IL36B: variants seen among roughly 807,000 people sequenced by gnomAD.
The protein encoded by IL36B is interleukin 36 beta, also known as interleukin-36 beta.
A neutral mutation model predicts 19.3 loss-of-function variants in IL36B; 23 were observed. That is an observed-to-expected ratio of 1.19 (90% confidence interval 0.86 to 1.69). The LOEUF is 1.69. IL36B is among the 40% of genes most tolerant of loss of function. IL36B has a pLI of 0.00. For synonymous variants in IL36B, 59 were observed against 59.7 expected, an observed-to-expected ratio of 0.99 and a Z score of 0.05; for missense variants, 217 against 200.5, an observed-to-expected ratio of 1.08 and a Z score of -0.50.
intron 1 of IL36B, among the ~76,000 whole-genome samples, chr2:113,044,256 CTATATGTGTG>C (rs1270018060): frequency 4.6e-4 from 62 of 136,218 alleles, no homozygotes; most frequent in African/African-American, 1.7e-3. Context: ...ATATCTATAT[CTATATGTGTG>C]TGTGTGTGTG....
intron 1 of IL36B, among the ~76,000 whole-genome samples, chr2:113,040,352 A>G (rs1553462327): frequency 6.6e-6 from 1 of 152,242 alleles, no homozygotes; most frequent in Non-Finnish European, 1.5e-5. Flanking sequence ...TAACAGGTCA[A>G]GAATGTTTGC....
At chr2:113,023,928 A>G (rs942381940) in intron 5 of IL36B, among the ~76,000 whole-genome samples, 9 of 152,214 alleles carry the variant, frequency 5.9e-5, no homozygotes, top group Non-Finnish European at 1.3e-4. Context: ...GTGAGAGACA[A>G]AGATTCTCAG....
intron 1 of IL36B, among the ~76,000 whole-genome samples, chr2:113,033,200 C>T (rs1017728705): frequency 1.3e-5 from 2 of 152,160 alleles, no homozygotes; most frequent in African/African-American, 4.8e-5. Context: ...AAGAGCTTTA[C>T]CTGAGTAACC....
intron 5 of IL36B, among the ~76,000 whole-genome samples, chr2:113,024,740 G>A (rs1043007067): frequency 1.3e-5 from 2 of 152,188 alleles, no homozygotes; most frequent in Non-Finnish European, 1.5e-5. Context: ...CCTTGGAATA[G>A]CTGGGAAGCT....
At chr2:113,037,144 C>T (rs989991492) in intron 1 of IL36B, among the ~76,000 whole-genome samples, 9 of 152,256 alleles carry the variant, frequency 5.9e-5, no homozygotes, top group African/African-American at 2.2e-4. Flanking sequence ...TGTGGATCAG[C>T]GACCACAGTT....
chr2:113,047,040 A>G (rs1403464191), intron 1 of IL36B, among the ~76,000 whole-genome samples: 3 of 152,162 alleles, frequency 2.0e-5, no homozygotes, highest in Non-Finnish European at 4.4e-5. Flanking sequence ...GTGCTCACTG[A>G]TATTTGTTTT....
chr2:113,052,232 G>C (rs974339129), intron 1 of IL36B, among the ~76,000 whole-genome samples: 1 of 152,218 alleles, frequency 6.6e-6, no homozygotes. Flanking sequence ...TTACAGGTGC[G>C]AGCCACTGCA....
intron 5 of IL36B, among the ~76,000 whole-genome samples, chr2:113,023,641 A>G (rs1340328713): frequency 6.6e-6 from 1 of 152,194 alleles, no homozygotes; most frequent in East Asian, 1.9e-4. Context: ...TAAGGAGACA[A>G]CCATTAAGGG....
intron 1 of IL36B, among the ~76,000 whole-genome samples, chr2:113,047,279 T>A (rs892427477): frequency 6.6e-6 from 1 of 152,158 alleles, no homozygotes; most frequent in South Asian, 2.1e-4. Flanking sequence ...GGGTGTTGGG[T>A]ACTTTTGTAT....
chr2:113,028,993 T>C lies in IL36B; in HGVS notation c.207A>G (p.Lys69=). The change falls in exon 4 of 6, where the codon AAA becomes AAG. Residue 69 remains lysine (K), a synonymous_variant. Coordinates refer to ENST00000259213, the MANE Select transcript of IL36B (RefSeq NM_014438.5). ...TTTCTGCACAGAAGAGACAGAGATCTTTTCCCTTGATTCCCAGGTAAACCA... is the reference window on the plus strand; with the variant it reads ...TTTCTGCACAGAAGAGACAGAGATCCTTTCCCTTGATTCCCAGGTAAACCA... 6.2e-7 allele frequency: 1 copy of C among 1,614,120 alleles called. No individual in the cohort carries two copies. Among genetic ancestry groups the C allele is most frequent in the Non-Finnish European group, 8.5e-7 (1 of 1,179,946 alleles).
At chr2:113,037,722 AGAG>A (rs2105050106) in intron 1 of IL36B, among the ~76,000 whole-genome samples, 2 of 151,946 alleles carry the variant, frequency 1.3e-5, no homozygotes, top group Admixed American at 1.3e-4. Flanking sequence ...TATGAATGAT[AGAG>A]GAGTTTTCTA....
intron 5 of IL36B, among the ~76,000 whole-genome samples, chr2:113,023,905 C>T (rs35779619): frequency 8.7e-4 from 132 of 152,248 alleles, no homozygotes; most frequent in African/African-American, 3.0e-3. Flanking sequence ...TTAAAATAAA[C>T]TTATTGACCT....
chr2:113,043,181 C>G (rs1363974304), intron 1 of IL36B, among the ~76,000 whole-genome samples: 1 of 152,094 alleles, frequency 6.6e-6, no homozygotes, highest in African/African-American at 2.4e-5. Flanking sequence ...ACTGTGGATA[C>G]AAGTCCTTTC....
Position 113,022,496 on chromosome 2 carries a change from C to T in IL36B, c.*178G>A. The T allele has an allele frequency of 1.8e-6, 1 of 546,258 alleles. No homozygotes were observed. The highest frequency in any genetic ancestry group is 3.3e-6 in the Non-Finnish European group (1 of 306,090). 33.8% of individuals were successfully genotyped at this position (546,258 alleles called of 1,614,324 possible). A position where few individuals can be genotyped will look rare whatever the true frequency, so the allele number is the denominator to read the frequency against. On this transcript the variant is annotated 3_prime_UTR_variant, in exon 6 of 6. Transcript: ENST00000259213. ...CTACTCCTAAAAAGACTCCGACCTT[C>T]TCTAGCTTTACAGGTAAGATTTACC...
intron 1 of IL36B, among the ~76,000 whole-genome samples, chr2:113,048,318 T>C (rs979276419): frequency 8.5e-5 from 13 of 152,290 alleles, no homozygotes; most frequent in African/African-American, 3.1e-4. Flanking sequence ...GGCATGCACC[T>C]GTAATCCCAG....
intron 4 of IL36B, chr2:113,027,492 T>A: frequency 2.0e-6 from 2 of 1,025,492 alleles, no homozygotes; most frequent in Non-Finnish European, 2.3e-6. Flanking sequence ...TTCAGCTTTA[T>A]CTTTGGGGCA....
intron 1 of IL36B, among the ~76,000 whole-genome samples, chr2:113,039,660 CA>C (rs1685220947): frequency 1.3e-5 from 2 of 151,982 alleles, no homozygotes; most frequent in South Asian, 4.1e-4. Context: ...AAAGAGGTAT[CA>C]GGAAAAAAAG....
chr2:113,038,939 G>A (rs1272546257), intron 1 of IL36B, among the ~76,000 whole-genome samples: 3 of 152,162 alleles, frequency 2.0e-5, no homozygotes, highest in Admixed American at 6.5e-5. Context: ...GTGACTCAGT[G>A]GGAGACTGTC....
chr2:113,031,802 G>T, intron 1 of IL36B, 36 bp from the exon 2 acceptor site: 4 of 867,894 alleles, frequency 4.6e-6, no homozygotes, highest in African/African-American at 1.7e-5. Context: ...AAGGAGAGAA[G>T]AAACATGTTA....
Sources: allele counts gnomAD v4.1 joint callset (sites outside exome capture counted in the v4.1 genomes callset), GRCh38; gene constraint gnomAD v4.1.1; transcripts MANE v1.5; gene names NCBI Gene and HGNC (gene_info 2026-07-23, HGNC 2026-07-21).